Variants in GTPBP1 observed in about 807,000 individuals in gnomAD.
GTPBP1 encodes the protein GTP binding protein 1, also known as GTP-binding protein 1.
In GTPBP1, 23 loss-of-function variants were observed where a neutral mutation model predicts 62.0. That is an observed-to-expected ratio of 0.37 (90% CI 0.27 to 0.53). The LOEUF (loss-of-function observed/expected upper bound fraction) is 0.53, where lower values mean the gene tolerates loss of function less well. GTPBP1 is among the 20% of genes least tolerant of loss of function. The pLI, the probability that GTPBP1 is intolerant of heterozygous loss-of-function variation, is 0.89. For missense variants in GTPBP1, 640 were observed against 917.3 expected, an observed-to-expected ratio of 0.70 and a Z score of 3.90; for synonymous variants, 344 against 364.4, an observed-to-expected ratio of 0.94 and a Z score of 0.64.
chr22:38,714,776 G>C (rs1379388337), intron 2 of GTPBP1, among the ~76,000 whole-genome samples: 1 of 152,122 alleles, frequency 6.6e-6, no homozygotes, highest in Non-Finnish European at 1.5e-5. Flanking sequence ...ACATGCTGAA[G>C]GGGTTAGCCA....
intron 1 of GTPBP1, 134 bp from the exon 2 acceptor site, chr22:38,708,711 A>C: frequency 1.6e-6 from 1 of 624,074 alleles, no homozygotes; most frequent in Non-Finnish European, 2.9e-6. Flanking sequence ...GAGGGCATGA[A>C]GGGGCTGTGC....
downstream of GTPBP1, among the ~76,000 whole-genome samples, chr22:38,741,311 G>C (rs1308073343): frequency 6.6e-6 from 1 of 152,174 alleles, no homozygotes; most frequent in Non-Finnish European, 1.5e-5. Context: ...GCACACCCCA[G>C]GGAGCCCCTG....
chr22:38,737,230 G>A (rs982861781), downstream of GTPBP1, among the ~76,000 whole-genome samples: 1 of 151,866 alleles, frequency 6.6e-6, no homozygotes, highest in Admixed American at 6.6e-5. This position sits in a 1 kb window ranked among gnomAD's most constrained non-coding sequence, Gnocchi z 4.1. Context: ...GTTCTTTCTG[G>A]CTCCCCCGAC....
intron 1 of GTPBP1, among the ~76,000 whole-genome samples, 160 bp from the exon 2 acceptor site, chr22:38,708,685 C>T (rs1340480898): frequency 6.6e-6 from 1 of 152,190 alleles, no homozygotes; most frequent in Non-Finnish European, 1.5e-5. Context: ...TCAAAGGCTA[C>T]TTCAGGAGAA....
At chr22:38,724,524 C>T (rs2092717020) in intron 6 of GTPBP1, 113 bp downstream of exon 6, 5 of 662,390 alleles carry the variant, frequency 7.5e-6, no homozygotes, top group South Asian at 6.5e-5. Flanking sequence ...GAAAACACCA[C>T]ATCAACACCT....
At chr22:38,742,891 G>A, downstream of GTPBP1, 1 of 234,110 alleles carries the variant, frequency 4.3e-6, no homozygotes, top group Non-Finnish European at 8.4e-6. Flanking sequence ...CTGCAGGATG[G>A]CTGCAGGGGG....
At chr22:38,739,043 C>G, downstream of GTPBP1, 1 of 1,527,532 alleles carries the variant, frequency 6.5e-7, no homozygotes, top group South Asian at 1.2e-5. The surrounding 1 kb of genome is among the most constrained non-coding windows in gnomAD (Gnocchi z 6.7). Context: ...GGGCCCCGCT[C>G]AGGCCATTGG....
chr22:38,718,054 G>A (rs1343061869), intron 4 of GTPBP1, among the ~76,000 whole-genome samples: 1 of 152,240 alleles, frequency 6.6e-6, no homozygotes, highest in Non-Finnish European at 1.5e-5. Context: ...CTGGAGAGCA[G>A]TAAAGAGAGG....
At chr22:38,741,713 A>C, downstream of GTPBP1, 1 of 713,476 alleles carries the variant, frequency 1.4e-6, no homozygotes, top group Non-Finnish European at 2.4e-6. Context: ...GAACCACGCA[A>C]GACTCCCGCT....
Position 38,716,965 on chromosome 22 carries a change from A to G in GTPBP1, c.799A>G (p.Met267Val), listed in dbSNP as rs1214202550. 6.2e-7 allele frequency: 1 copy of G among 1,612,592 alleles called. No individual in the cohort carries two copies. The highest frequency in any genetic ancestry group is 1.3e-5 in the African/African-American group (1 of 74,910). Residue 267 changes from methionine to valine, a missense_variant, in exon 4 of 12, where the codon ATG becomes GTG. Met to Val is a conservative substitution (Grantham distance 21). Around this residue, in one of 4 missense-constraint regions of GTPBP1, gnomAD observed 88 missense variants for 217.0 expected, o/e 0.41. Coordinates refer to ENST00000216044, the MANE Select transcript of GTPBP1 (RefSeq NM_004286.5). The surrounding 1 kb of genome is among the most constrained non-coding windows in gnomAD (Gnocchi z 5.2). Reference sequence around the variant, plus strand: ...GTACCTGAAAACCACTGTCTTCGGCATGACAGGCCATCTGCCTGACTTCTG... The same window carrying G: ...GTACCTGAAAACCACTGTCTTCGGCGTGACAGGCCATCTGCCTGACTTCTG... ...EKYLKTTVFGMTGHLPDFCML... is the reference protein window; with the variant it reads ...EKYLKTTVFGVTGHLPDFCML...
downstream of GTPBP1, chr22:38,742,540 T>C (rs750687695): frequency 1.9e-6 from 3 of 1,611,698 alleles, no homozygotes; most frequent in African/African-American, 2.7e-5. Flanking sequence ...ACCCGGGACA[T>C]AACACGCTGC....
intron 10 of GTPBP1, 39 bp downstream of exon 10, chr22:38,728,200 C>T (rs2092737173): frequency 1.4e-6 from 2 of 1,429,926 alleles, no homozygotes; most frequent in Non-Finnish European, 9.8e-7. Context: ...CCAGGAAGCA[C>T]CAGGGGCCAC....
At chr22:38,729,825 A>G (rs915230586) in intron 11 of GTPBP1, among the ~76,000 whole-genome samples, 163 bp downstream of exon 11, 1 of 152,230 alleles carries the variant, frequency 6.6e-6, no homozygotes, top group African/African-American at 2.4e-5. Flanking sequence ...TGTCTCTAGA[A>G]GCTATAAGGC....
In GTPBP1 at chr22:38,731,011, TGTGTGTGTGTGTGTGTGTG is replaced by T. The variant is rs2092756291; in HGVS notation, c.*308_*326del. On this transcript the variant is annotated 3_prime_UTR_variant, in exon 12 of 12. Coordinates refer to ENST00000216044, the MANE Select transcript of GTPBP1 (RefSeq NM_004286.5). ...ATTATATGTCTCTGTCTCTCTCTAT[TGTGTGTGTGTGTGTGTGTG>T]TGTGTGTGTGTGTGTGTGTGGTGCA... The T allele has an allele frequency of 3.3e-5, 2 of 60,434 alleles. No homozygotes were observed. Among genetic ancestry groups the T allele is most frequent in the South Asian group, 3.8e-4 (2 of 5,248 alleles). 3.7% of individuals were successfully genotyped at this position (60,434 alleles called of 1,614,324 possible).
At chr22:38,711,330 T>G (rs1287894253) in intron 2 of GTPBP1, among the ~76,000 whole-genome samples, 5 of 152,184 alleles carry the variant, frequency 3.3e-5, no homozygotes, top group Non-Finnish European at 7.3e-5. Flanking sequence ...TCTGGCCTAA[T>G]CTATAGGATC....
chr22:38,706,366 C>T (rs1488537371), intron 1 of GTPBP1: 7 of 345,972 alleles, frequency 2.0e-5, no homozygotes, highest in Admixed American at 9.6e-5. Flanking sequence ...TCCCCCGCGT[C>T]GCCAACCCAG....
At chr22:38,728,188 C>G in intron 10 of GTPBP1, 27 bp downstream of exon 10, 9 of 1,563,724 alleles carry the variant, frequency 5.8e-6, no homozygotes, top group Non-Finnish European at 7.9e-6. Context: ...CCTTGCCTGC[C>G]TCCAGGAAGC....
downstream of GTPBP1, chr22:38,742,684 T>C: frequency 2.4e-6 from 3 of 1,257,758 alleles, no homozygotes; most frequent in Middle Eastern, 2.5e-4. Flanking sequence ...CATAAGGCCA[T>C]GCAGGGCCGG....
downstream of GTPBP1, chr22:38,740,691 C>T: frequency 1.7e-6 from 1 of 575,994 alleles, no homozygotes; most frequent in Non-Finnish European, 3.1e-6. This position sits in a 1 kb window ranked among gnomAD's most constrained non-coding sequence, Gnocchi z 4.8. Context: ...CTCTCACATC[C>T]TCCACAAGCA....
Sources: allele counts gnomAD v4.1 joint callset (sites outside exome capture counted in the v4.1 genomes callset), GRCh38; gene constraint gnomAD v4.1.1; regional missense constraint gnomAD v4.1.1; non-coding constraint Gnocchi (gnomAD v3.1); transcripts MANE v1.5; gene names NCBI Gene and HGNC (gene_info 2026-07-23, HGNC 2026-07-21).